The following NIPAL1 variants were observed in gnomAD, a reference collection of about 807,000 sequenced individuals.
NIPAL1 encodes magnesium transporter NIPA3.
In NIPAL1, 35 loss-of-function variants were observed where a neutral mutation model predicts 37.7. The observed-to-expected ratio is 0.93, with a 90% CI of 0.71 to 1.23. The LOEUF (loss-of-function observed/expected upper bound fraction) is 1.23, where lower values mean the gene tolerates loss of function less well. Among genes scored for constraint, NIPAL1 ranks in the 50% most tolerant of loss-of-function variants. NIPAL1 has a pLI of 0.00. For missense variants in NIPAL1, 412 were observed against 473.9 expected (o/e 0.87, Z 1.21); for synonymous variants, 162 against 183.0 (o/e 0.89, Z 0.93).
At chr4:48,021,434 A>T (rs1401328698) in intron 1 of NIPAL1, among the ~76,000 whole-genome samples, 1 of 152,228 alleles carries the variant, frequency 6.6e-6, no homozygotes, top group Non-Finnish European at 1.5e-5. Flanking sequence ...TTACACCTGT[A>T]CATAGAAGAT....
Position 48,035,673 on chromosome 4 carries a change from T to G in NIPAL1, c.734T>G (p.Leu245Trp), listed in dbSNP as rs1715910189. The change falls in exon 6 of 6, where the codon TTG becomes TGG. Residue 245 changes from leucine (L) to tryptophan (W), a missense_variant. Transcript: ENST00000295461. ...TTGGTTTATATTTCAATCTGTTCCTTGATTGGAGCGTTTTCAGTTTCTTCT... is the reference window on the plus strand; with the variant it reads ...TTGGTTTATATTTCAATCTGTTCCTGGATTGGAGCGTTTTCAGTTTCTTCT... Reference protein sequence around the residue: ...NILVYISICSLIGAFSVSSVK... With the variant: ...NILVYISICSWIGAFSVSSVK... 1 of 1,614,016 alleles carries G rather than the reference T, an allele frequency of 6.2e-7. No individual in the cohort carries two copies. The highest frequency in any genetic ancestry group is 8.5e-7 in the Non-Finnish European group (1 of 1,179,982).
chr4:48,036,310 G>T lies in NIPAL1; in HGVS notation c.*138G>T. The T allele has an allele frequency of 1.3e-6, 1 of 764,162 alleles. No individual in the cohort carries two copies. Among genetic ancestry groups the T allele is most frequent in the Admixed American group, 2.9e-5 (1 of 33,930 alleles). 47.3% of individuals were successfully genotyped at this position (764,162 alleles called of 1,614,324 possible). On this transcript the variant is annotated 3_prime_UTR_variant, in exon 6 of 6. Transcript: ENST00000295461. ...TTTAGATGTGAGGCCAAGTAAAAAT[G>T]CCATTTTTTTGGCCATTGAATTTGA...
At chr4:48,032,260 C>T (rs1715838995) in intron 3 of NIPAL1, among the ~76,000 whole-genome samples, 1 of 152,202 alleles carries the variant, frequency 6.6e-6, no homozygotes, top group Admixed American at 6.5e-5. Flanking sequence ...ATACTACATT[C>T]TGTGGGCAAG....
chr4:48,039,468 T>C lies in NIPAL1; in HGVS notation c.*3296T>C, dbSNP rs1716033279. The C allele has an allele frequency of 6.6e-6, 1 of 152,264 alleles. No individual in the cohort carries two copies. Among genetic ancestry groups the C allele is most frequent in the Non-Finnish European group, 1.5e-5 (1 of 68,044 alleles). The allele number at this position is 152,264 out of a possible 1,614,324, so 9.4% of individuals were successfully genotyped here. A position where few individuals can be genotyped will look rare whatever the true frequency, so the allele number is the denominator to read the frequency against. ...TATATTTTAATACTTTGTCATCATGTACATATCTTAAGATTTATTATGTGA... is the reference window on the plus strand; with the variant it reads ...TATATTTTAATACTTTGTCATCATGCACATATCTTAAGATTTATTATGTGA... On this transcript the variant is annotated 3_prime_UTR_variant, in exon 6 of 6. Transcript: ENST00000295461.
At chr4:48,019,700 C>T (rs1397804967) in intron 1 of NIPAL1, among the ~76,000 whole-genome samples, 2 of 152,152 alleles carry the variant, frequency 1.3e-5, no homozygotes, top group Admixed American at 6.5e-5. Flanking sequence ...TCCACAGGGC[C>T]TTATAGGCTA....
At chr4:48,035,174 T>C in intron 5 of NIPAL1, 133 bp downstream of exon 5, 1 of 754,964 alleles carries the variant, frequency 1.3e-6, no homozygotes, top group Non-Finnish European at 2.2e-6. Flanking sequence ...CACAGTGAGG[T>C]TTGATTATTA....
chr4:48,032,878 G>T (rs1469841257), intron 3 of NIPAL1, 115 bp from the exon 4 acceptor site: 2 of 620,740 alleles, frequency 3.2e-6, no homozygotes, highest in Non-Finnish European at 2.9e-6. Context: ...ATTCTTTTTA[G>T]CTAGATCTTC....
intron 3 of NIPAL1, among the ~76,000 whole-genome samples, chr4:48,031,273 C>T (rs1366433328): frequency 2.0e-5 from 3 of 152,156 alleles, no homozygotes; most frequent in Non-Finnish European, 4.4e-5. Flanking sequence ...CCATGTTGGC[C>T]AGGCTGGTCT....
intron 1 of NIPAL1, among the ~76,000 whole-genome samples, chr4:48,018,910 G>A (rs565953910): frequency 6.6e-6 from 1 of 152,230 alleles, no homozygotes; most frequent in Non-Finnish European, 1.5e-5. Flanking sequence ...CCTTACGAAA[G>A]TGATATTCAA....
At chr4:48,019,668 G>A (rs551744876) in intron 1 of NIPAL1, among the ~76,000 whole-genome samples, 8 of 152,334 alleles carry the variant, frequency 5.3e-5, no homozygotes, top group African/African-American at 9.6e-5. Context: ...AGGGAATGAG[G>A]TTAGGCAGCT....
At chr4:48,017,021 T>A in intron 1 of NIPAL1, 136 bp downstream of exon 1, 1 of 723,978 alleles carries the variant, frequency 1.4e-6, no homozygotes, top group Non-Finnish European at 2.2e-6. Flanking sequence ...CATTCATTCA[T>A]TCAGTCAGTC....
intron 4 of NIPAL1, 46 bp downstream of exon 4, chr4:48,033,129 C>T (rs752697302): frequency 1.7e-6 from 2 of 1,196,446 alleles, no homozygotes; most frequent in Non-Finnish European, 2.5e-6. Context: ...ATTTTAAGAC[C>T]AAGATAAACT....
intron 1 of NIPAL1, among the ~76,000 whole-genome samples, chr4:48,020,964 A>G (rs1715555014): frequency 6.6e-6 from 1 of 152,144 alleles, no homozygotes. Context: ...AATTTATATT[A>G]TTATTCTCTA....
intron 1 of NIPAL1, among the ~76,000 whole-genome samples, chr4:48,017,508 G>A (rs1489189931): frequency 6.6e-6 from 1 of 152,230 alleles, no homozygotes; most frequent in Non-Finnish European, 1.5e-5. Flanking sequence ...TGCTTAAGGC[G>A]AGAGCCGTAC....
rs147006192 is a variant in NIPAL1, at chr4:48,030,139, C to G, written c.333C>G (p.Tyr111Ter). The part of the protein sequence containing the change: ...FTRAGQGGHS[Y>*]LKEWLWWVGL... ...TTTTAGGACAAGGTGGACATTCTTA[C>G]CTGAAGGAATGGCTCTGGTGGGTAG... Residue 111 changes from tyrosine to a stop codon, truncating the protein, a stop_gained, in exon 3 of 6, where the codon TAC becomes TAG. Transcript: ENST00000295461. LOFTEE classifies it high-confidence loss of function. The G allele has an allele frequency of 1.2e-6, 2 of 1,604,462 alleles. No homozygotes were observed. Among genetic ancestry groups the G allele is most frequent in the South Asian group, 2.2e-5 (2 of 90,798 alleles).
rs1374753006 is a variant in NIPAL1, at chr4:48,027,132, A to G, written c.313+1798A>G. On this transcript the variant is annotated intron_variant, in intron 2 of 5. Transcript: ENST00000295461. This position sits in a 1 kb window ranked among gnomAD's most constrained non-coding sequence, Gnocchi z 4.1. ...TTGACAAAAAAAATCCTATATGGAA[A>G]CACTTTAACTGAAACTAAAAAGCAA... Among the ~76,000 whole-genome samples, 3 of 152,240 alleles carry G rather than the reference A, an allele frequency of 2.0e-5. No individual in the cohort carries two copies. The highest frequency in any genetic ancestry group is 4.4e-5 in the Non-Finnish European group (3 of 68,046).
At chr4:48,025,410 C>G in intron 2 of NIPAL1, 76 bp downstream of exon 2, 1 of 1,353,294 alleles carries the variant, frequency 7.4e-7, no homozygotes, top group African/African-American at 1.5e-5. Context: ...CAGCAATACT[C>G]TTATAAACTT....
rs774531355 is a variant in NIPAL1 at position 48,025,080 on chromosome 4, C to T, written c.59C>T (p.Ser20Phe). ...GEPCREGYVL[S>F]LVCPNSSQAW... ...TCCTTTTTTCCAGGATATGTGCTGTCTCTGGTCTGTCCAAACTCCTCCCAG... is the reference window on the plus strand; with the variant it reads ...TCCTTTTTTCCAGGATATGTGCTGTTTCTGGTCTGTCCAAACTCCTCCCAG... Residue 20 changes from serine (S) to phenylalanine (F), a missense_variant, in exon 2 of 6, where the codon TCT becomes TTT. Coordinates refer to ENST00000295461, the MANE Select transcript of NIPAL1 (RefSeq NM_207330.3). 1 of 1,613,798 alleles carries T rather than the reference C, an allele frequency of 6.2e-7. No individual in the cohort carries two copies. Among genetic ancestry groups the T allele is most frequent in the Non-Finnish European group, 8.5e-7 (1 of 1,179,796 alleles).
In NIPAL1 at chr4:48,027,090, G is replaced by A. The variant is rs2109368483; in HGVS notation, c.313+1756G>A. On this transcript the variant is annotated intron_variant, in intron 2 of 5. Coordinates refer to ENST00000295461, the MANE Select transcript of NIPAL1 (RefSeq NM_207330.3). This position sits in a 1 kb window ranked among gnomAD's most constrained non-coding sequence, Gnocchi z 4.1. ...AGATAAATAATTTATTTTATATAAAGGAAGAGATTATCTAGATTGACAAAA... is the reference window on the plus strand; with the variant it reads ...AGATAAATAATTTATTTTATATAAAAGAAGAGATTATCTAGATTGACAAAA... Among the ~76,000 whole-genome samples the A allele has an allele frequency of 6.6e-6, 1 of 151,848 alleles. No individual in the cohort carries two copies. The highest frequency in any genetic ancestry group is 2.1e-4 in the South Asian group (1 of 4,808).
Sources: gnomAD v4.1 joint callset for allele counts (sites outside exome capture counted in the v4.1 genomes callset) on GRCh38, gnomAD v4.1.1 for gene constraint, Gnocchi (gnomAD v3.1) non-coding constraint, MANE v1.5 for transcripts, NCBI Gene and HGNC (gene_info 2026-07-23, HGNC 2026-07-21) for gene names.